Variants in SETX observed in about 807,000 individuals in gnomAD.
The protein encoded by SETX is senataxin.
In SETX, 90 loss-of-function variants were observed where a neutral mutation model predicts 227.2. The ratio of observed to expected loss-of-function variants is 0.40; its 90% CI spans 0.33 to 0.47. The LOEUF (loss-of-function observed/expected upper bound fraction) is 0.47, where lower values mean the gene tolerates loss of function less well. SETX is among the 20% of genes least tolerant of loss of function. The probability of loss-of-function intolerance (pLI) is 0.91; values close to 1 mark genes in which losing one functional copy is unlikely to be tolerated. For missense variants in SETX, 3,052 were observed against 3,181.5 expected (o/e 0.96, Z 0.98); for synonymous variants, 1,210 against 1,113.2 (o/e 1.09, Z -1.73).
chr9:132,283,414 C>G lies in SETX; in HGVS notation c.6397-1G>C. 1 of 1,614,128 alleles carries G rather than the reference C, an allele frequency of 6.2e-7. No homozygotes were observed. The highest frequency in any genetic ancestry group is 8.5e-7 in the Non-Finnish European group (1 of 1,180,018). On this transcript the variant is annotated splice_acceptor_variant, in intron 18 of 25. Transcript: ENST00000224140. LOFTEE classifies it high-confidence loss of function. ...GTGTTTTCTGTGGGCGTCCTTGAAC[C>G]TAAGAGAACAAAGGTTAAATCAATA... is the stretch of plus-strand genomic sequence containing the variant.
chr9:132,320,569 G>A (rs1256567300), intron 10 of SETX, among the ~76,000 whole-genome samples: 1 of 113,510 alleles, frequency 8.8e-6, no homozygotes, highest in Non-Finnish European at 1.6e-5. Flanking sequence ...ACTCCAGCCT[G>A]AGCAACAGAG....
At chr9:132,282,441 A>G (rs1843597133) in intron 19 of SETX, among the ~76,000 whole-genome samples, 1 of 151,672 alleles carries the variant, frequency 6.6e-6, no homozygotes, top group Non-Finnish European at 1.5e-5. Context: ...GGCACACACC[A>G]TCAACTCCTG....
intron 11 of SETX, 92 bp downstream of exon 11, chr9:132,311,665 G>GT: frequency 1.1e-6 from 1 of 878,586 alleles, no homozygotes; most frequent in Admixed American, 2.1e-5. Flanking sequence ...GAAAATTTGT[G>GT]TCCCCCTAAA....
chr9:132,335,480 ATT>A (rs11323405), intron 6 of SETX, among the ~76,000 whole-genome samples: 58 of 134,234 alleles, frequency 4.3e-4, no homozygotes, highest in Admixed American at 5.0e-4. Flanking sequence ...GGAAAATTTA[ATT>A]TTTTTTTTTT....
intron 5 of SETX, among the ~76,000 whole-genome samples, chr9:132,338,081 A>C (rs535400080): frequency 2.7e-4 from 39 of 142,180 alleles, no homozygotes; most frequent in Non-Finnish European, 3.2e-4. Context: ...ACCCAAAGTG[A>C]GGAACACTCT....
At chr9:132,339,884 G>C (rs1261070592) in intron 5 of SETX, among the ~76,000 whole-genome samples, 1 of 152,016 alleles carries the variant, frequency 6.6e-6, no homozygotes, top group Admixed American at 6.6e-5. Context: ...CAAAGTGCTG[G>C]GATTACAGGA....
At chr9:132,314,306 C>A (rs1034243963) in intron 10 of SETX, among the ~76,000 whole-genome samples, 3 of 152,184 alleles carry the variant, frequency 2.0e-5, no homozygotes, top group Non-Finnish European at 4.4e-5. Flanking sequence ...TCAGGCTGGT[C>A]TTGAACTCCT....
intron 23 of SETX, among the ~76,000 whole-genome samples, chr9:132,274,386 G>C (rs1335597900): frequency 2.6e-5 from 4 of 151,588 alleles, no homozygotes; most frequent in African/African-American, 7.3e-5. Context: ...CTTGGTTCTG[G>C]GCTTTTCATT....
rs57812200 is a variant in SETX at position 132,301,479 on chromosome 9, G to A, written c.5375-676C>T. On this transcript the variant is annotated intron_variant, in intron 11 of 25. Coordinates refer to ENST00000224140, the MANE Select transcript of SETX (RefSeq NM_015046.7). The stretch of plus-strand genomic sequence containing the variant: ...AAACAGATCCAAGTAGTTATACACC[G>A]CATAATGATGTTGTGGTCAGTGATG... 1.6e-3 allele frequency among the ~76,000 whole-genome samples: 237 copies of A among 152,200 alleles called. 1 individual carries two copies. The highest frequency in any genetic ancestry group is 5.3e-3 in the African/African-American group (220 of 41,532).
rs777404209 is a variant in SETX at position 132,328,301 on chromosome 9, A to G, written c.3297T>C (p.Asp1099=). 9.4e-5 allele frequency: 152 copies of G among 1,613,956 alleles called. No homozygotes were observed. The highest frequency in any genetic ancestry group is 8.4e-5 in the Non-Finnish European group (99 of 1,180,032). The change falls in exon 10 of 26, where the codon GAT becomes GAC. Residue 1099 remains aspartate, a synonymous_variant. Transcript: ENST00000224140. The part of the protein sequence containing the change: ...VFSVWQDHPD[D]NNSVQDGEKK... ...TCTCACCATCTTGAACTGAATTATT[A>G]TCGTCTGGATGATCTTGCCAAACTG...
In SETX at chr9:132,326,875, C is replaced by G. The variant is rs781383567; in HGVS notation, c.4723G>C (p.Asp1575His). ...CPKHSEVKAA[D>H]EDVFRKPGLP... Reference sequence around the variant, plus strand: ...CCAGGTTTACGAAATACATCTTCATCTGCTGCTTTCACTTCAGAGTGTTTT... The same window carrying G: ...CCAGGTTTACGAAATACATCTTCATGTGCTGCTTTCACTTCAGAGTGTTTT... The change falls in exon 10 of 26, where the codon GAT (aspartate) becomes CAT (histidine). Residue 1575 changes from aspartate (D) to histidine (H), a missense_variant. By Grantham distance (81) the Asp-to-His change is moderately conservative. This residue lies in a region of SETX where 1,483 missense variants were observed against 1,312.0 expected (regional missense o/e 1.13). Coordinates refer to ENST00000224140, the MANE Select transcript of SETX (RefSeq NM_015046.7). The G allele has an allele frequency of 6.2e-7, 1 of 1,614,178 alleles. No homozygotes were observed. The highest frequency in any genetic ancestry group is 2.2e-5 in the East Asian group (1 of 44,886).
Position 132,328,230 on chromosome 9 carries a change from C to A in SETX, c.3368G>T (p.Cys1123Phe), listed in dbSNP as rs1295514012. 6.2e-7 allele frequency: 1 copy of A among 1,614,168 alleles called. No individual in the cohort carries two copies. The change falls in exon 10 of 26, where the codon TGT (cysteine) becomes TTT (phenylalanine). Residue 1123 changes from cysteine (C) to phenylalanine (F), a missense_variant. Cys to Phe is a radical substitution (Grantham distance 205). This residue lies in a region of SETX where 1,483 missense variants were observed against 1,312.0 expected (regional missense o/e 1.13). Coordinates refer to ENST00000224140, the MANE Select transcript of SETX (RefSeq NM_015046.7). ...AACAACTTCAGATACATAATCTGTA[C>A]AACCCTGACCATTTGTAGTATTGGC... ...PIANTTNGQG[C>F]TDYVSEVVKK...
At chr9:132,352,523 G>A (rs934728168) in intron 2 of SETX, among the ~76,000 whole-genome samples, 12 of 152,152 alleles carry the variant, frequency 7.9e-5, no homozygotes, top group Non-Finnish European at 1.3e-4. Context: ...AGGCCGAGGC[G>A]TGAGGGATCA....
chr9:132,289,565 C>T lies in SETX; in HGVS notation c.6107-914G>A, dbSNP rs886149440. On this transcript the variant is annotated intron_variant, in intron 15 of 25. Transcript: ENST00000224140. ...CCTACGGGTGGTATTGAGGCTGATC[C>T]CCAACACTCTTAACTGCAGAATATT... 2.6e-5 allele frequency among the ~76,000 whole-genome samples: 4 copies of T among 152,012 alleles called. No individual in the cohort carries two copies. The East Asian group carries it at 7.7e-4, about 29-fold the overall frequency.
chr9:132,328,782 G>A lies in SETX; in HGVS notation c.2816C>T (p.Thr939Ile), dbSNP rs1377899649. The stretch of plus-strand genomic sequence containing the variant: ...ACTGATGTCAGGGGCCTGTTCTCTT[G>A]TCAAGTTAGAATAAATCACACTGGT... ...NSTSVIYSNL[T>I]REQAPDISPK... The change falls in exon 10 of 26, where the codon ACA becomes ATA. Residue 939 changes from threonine (T) to isoleucine (I), a missense_variant. This residue lies in a region of SETX where 1,483 missense variants were observed against 1,312.0 expected (regional missense o/e 1.13). Coordinates refer to ENST00000224140, the MANE Select transcript of SETX (RefSeq NM_015046.7). 1 of 1,610,976 alleles carries A rather than the reference G, an allele frequency of 6.2e-7. No homozygotes were observed. The highest frequency in any genetic ancestry group is 1.1e-5 in the South Asian group (1 of 90,374).
At chr9:132,343,234 G>A (rs747731164) in intron 4 of SETX, among the ~76,000 whole-genome samples, 4 of 152,130 alleles carry the variant, frequency 2.6e-5, no homozygotes, top group Non-Finnish European at 4.4e-5. Flanking sequence ...CAGGAGAATC[G>A]CTTGAACCCA....
At position 132,264,854 on chromosome 9, in the gene SETX, G is replaced by A. The variant is rs773316136; in HGVS notation, c.7419C>T (p.Leu2473=). The A allele has an allele frequency of 6.2e-7, 1 of 1,614,180 alleles. No homozygotes were observed. Among genetic ancestry groups the A allele is most frequent in the South Asian group, 1.1e-5 (1 of 91,084 alleles). ...LKLKPVLQRS[L]THPPTIAPEG... Reference sequence around the variant, plus strand: ...CTGGGGCTATGGTAGGAGGGTGAGTGAGACTTCTCTGCAGCACAGGCTTGA... The same window carrying A: ...CTGGGGCTATGGTAGGAGGGTGAGTAAGACTTCTCTGCAGCACAGGCTTGA... The change falls in exon 26 of 26, where the codon CTC becomes CTT. Residue 2473 remains leucine, a synonymous_variant. Coordinates refer to ENST00000224140, the MANE Select transcript of SETX (RefSeq NM_015046.7).
In SETX at chr9:132,300,687, G is replaced by C. The variant is rs2131306081; in HGVS notation, c.5491C>G (p.Gln1831Glu). Reference protein sequence around the residue: ...EKKDTERNDIQDLHEYHSGYV... With the variant: ...EKKDTERNDIEDLHEYHSGYV... The stretch of plus-strand genomic sequence containing the variant: ...CCAGAATGATATTCGTGGAGATCTT[G>C]TATGTCATTTCTCTCTGTATCTTTC... Residue 1831 changes from glutamine to glutamate, a missense_variant, in exon 12 of 26, where the codon CAA becomes GAA. Physicochemically the swap from Gln to Glu is conservative, Grantham distance 29. Coordinates refer to ENST00000224140, the MANE Select transcript of SETX (RefSeq NM_015046.7). 6.2e-7 allele frequency: 1 copy of C among 1,613,772 alleles called. No individual in the cohort carries two copies. The highest frequency in any genetic ancestry group is 1.1e-5 in the South Asian group (1 of 91,076).
intron 14 of SETX, 150 bp from the exon 15 acceptor site, chr9:132,296,178 ACT>A (rs1844658350): frequency 1.0e-6 from 1 of 988,266 alleles, no homozygotes; most frequent in Non-Finnish European, 1.5e-6. Flanking sequence ...TACATCTAAC[ACT>A]GATATTTAAA....
Sources: allele counts gnomAD v4.1 joint callset (sites outside exome capture counted in the v4.1 genomes callset), GRCh38; gene constraint gnomAD v4.1.1; regional missense constraint gnomAD v4.1.1; transcripts MANE v1.5; gene names NCBI Gene and HGNC (gene_info 2026-07-23, HGNC 2026-07-21).